Variants in CSNK2A2IP observed in about 807,000 individuals in gnomAD.
The protein encoded by CSNK2A2IP is casein kinase 2 subunit alpha' interacting protein.
At chr3:88,348,244 T>C in the CSNK2A2IP span, among the ~76,000 whole-genome samples, 3 of 152,072 alleles carry the variant, frequency 2.0e-5, no homozygotes, top group African/African-American at 7.2e-5. Flanking sequence ...TGCAGCTTTA[T>C]GTAATTATGT....
the CSNK2A2IP span, among the ~76,000 whole-genome samples, chr3:88,398,998 G>A: frequency 6.6e-6 from 1 of 152,128 alleles, no homozygotes; most frequent in East Asian, 1.9e-4. Context: ...TGGGTTTAAG[G>A]ATACAAAGAT....
At chr3:88,383,865 G>T in the CSNK2A2IP span, among the ~76,000 whole-genome samples, 1 of 151,960 alleles carries the variant, frequency 6.6e-6, no homozygotes, top group East Asian at 1.9e-4. Context: ...AGGGTTCACC[G>T]TGTTAGCCAG....
At chr3:88,342,732 A>T in the CSNK2A2IP span, among the ~76,000 whole-genome samples, 1 of 151,908 alleles carries the variant, frequency 6.6e-6, no homozygotes, top group South Asian at 2.1e-4. Flanking sequence ...CCCAAAATGC[A>T]AAACTGTATA....
the CSNK2A2IP span, among the ~76,000 whole-genome samples, chr3:88,351,016 C>T: frequency 6.6e-6 from 1 of 152,094 alleles, no homozygotes; most frequent in Non-Finnish European, 1.5e-5. Flanking sequence ...CCTGCTAATC[C>T]TCAACACAGA....
the CSNK2A2IP span, among the ~76,000 whole-genome samples, chr3:88,358,772 C>T: frequency 1.3e-5 from 2 of 152,084 alleles, no homozygotes; most frequent in Non-Finnish European, 2.9e-5. Flanking sequence ...GTGCGTTCAT[C>T]AGAAATACTG....
the CSNK2A2IP span, among the ~76,000 whole-genome samples, chr3:88,410,792 T>G: frequency 6.6e-6 from 1 of 151,998 alleles, no homozygotes; most frequent in Non-Finnish European, 1.5e-5. Flanking sequence ...GGTGGTTTAT[T>G]GTATGAATTC....
the CSNK2A2IP span, among the ~76,000 whole-genome samples, chr3:88,437,775 A>G: frequency 6.6e-6 from 1 of 152,222 alleles, no homozygotes; most frequent in African/African-American, 2.4e-5. Context: ...TGGATAGACT[A>G]TCTCTGTAGT....
chr3:88,356,159 C>T, the CSNK2A2IP span, among the ~76,000 whole-genome samples: 4 of 152,020 alleles, frequency 2.6e-5, no homozygotes. Context: ...CCATAGTCTC[C>T]TTATCATGCT....
chr3:88,381,072 GA>G, the CSNK2A2IP span, among the ~76,000 whole-genome samples: 684 of 152,250 alleles, frequency 4.5e-3, 5 homozygotes, highest in African/African-American at 0.016. Context: ...GTTTAGTGGA[GA>G]AAAAGCCCCT....
chr3:88,438,794 T>G, the CSNK2A2IP span, among the ~76,000 whole-genome samples: 1 of 152,228 alleles, frequency 6.6e-6, no homozygotes, highest in Admixed American at 6.5e-5. Context: ...TCTGATTAAA[T>G]AAATATGTTG....
At chr3:88,358,766 G>A in the CSNK2A2IP span, among the ~76,000 whole-genome samples, 18 of 152,186 alleles carry the variant, frequency 1.2e-4, no homozygotes, top group East Asian at 2.1e-3. Flanking sequence ...TTGCATGTGC[G>A]TTCATCAGAA....
the CSNK2A2IP span, among the ~76,000 whole-genome samples, chr3:88,444,149 T>C: frequency 6.6e-6 from 1 of 152,160 alleles, no homozygotes; most frequent in African/African-American, 2.4e-5. Context: ...AAAGTTAATG[T>C]ACCTCTGTTC....
At chr3:88,427,534 G>A in the CSNK2A2IP span, among the ~76,000 whole-genome samples, 2 of 152,186 alleles carry the variant, frequency 1.3e-5, no homozygotes, top group African/African-American at 2.4e-5. Context: ...GGGGGCATAA[G>A]AGGTAAAAAT....
chr3:88,457,941 T>G, the CSNK2A2IP span, among the ~76,000 whole-genome samples: 3 of 151,666 alleles, frequency 2.0e-5, no homozygotes, highest in African/African-American at 7.3e-5. Flanking sequence ...TTACTAGAGA[T>G]AGGGGAATTT....
the CSNK2A2IP span, among the ~76,000 whole-genome samples, chr3:88,421,066 C>T: frequency 8.5e-5 from 13 of 152,218 alleles, no homozygotes; most frequent in East Asian, 2.1e-3. Context: ...TTCCTCCTCC[C>T]GTCTCCGAAG....
At chr3:88,344,936 T>C in the CSNK2A2IP span, among the ~76,000 whole-genome samples, 1 of 152,034 alleles carries the variant, frequency 6.6e-6, no homozygotes, top group African/African-American at 2.4e-5. Context: ...TTGAATATCA[T>C]GTTTTAATTT....
chr3:88,455,899 T>G, the CSNK2A2IP span, among the ~76,000 whole-genome samples: 1 of 87,350 alleles, frequency 1.1e-5, no homozygotes, highest in South Asian at 5.3e-4. Context: ...AGAAGGGTCC[T>G]ATTTAATGAT....
At chr3:88,393,326 A>C in the CSNK2A2IP span, among the ~76,000 whole-genome samples, 2 of 152,240 alleles carry the variant, frequency 1.3e-5, no homozygotes, top group Non-Finnish European at 2.9e-5. Context: ...AACCTAGACT[A>C]TAAGTACGGA....
the CSNK2A2IP span, among the ~76,000 whole-genome samples, chr3:88,412,450 C>T: frequency 6.6e-6 from 1 of 152,016 alleles, no homozygotes; most frequent in Non-Finnish European, 1.5e-5. Context: ...TGATCTCTCT[C>T]TCCTTGGCAG....
Sources: gnomAD v4.1 joint callset for allele counts (sites outside exome capture counted in the v4.1 genomes callset) on GRCh38, gnomAD v4.1.1 for gene constraint, MANE v1.5 for transcripts, NCBI Gene and HGNC (gene_info 2026-07-23, HGNC 2026-07-21) for gene names.